The following ZFYVE26 variants were observed in gnomAD, a reference collection of about 807,000 sequenced individuals.
ZFYVE26 encodes zinc finger FYVE domain-containing protein 26.
A neutral mutation model predicts 276.5 loss-of-function variants in ZFYVE26; 181 were observed. The ratio of observed to expected loss-of-function variants is 0.65; its 90% confidence interval spans 0.58 to 0.74. The LOEUF (loss-of-function observed/expected upper bound fraction) is 0.74, where lower values mean the gene tolerates loss of function less well. Ranked by LOEUF, ZFYVE26 falls within the 30% of genes least tolerant of loss-of-function variation. The pLI, the probability that ZFYVE26 is intolerant of heterozygous loss-of-function variation, is 0.00. For missense variants in ZFYVE26, 2,821 were observed against 3,097.9 expected, an observed-to-expected ratio of 0.91 and a Z score of 2.12; for synonymous variants, 1,129 against 1,203.1, an observed-to-expected ratio of 0.94 and a Z score of 1.27.
chr14:67,806,092 C>G (rs1459429400), intron 6 of ZFYVE26, among the ~76,000 whole-genome samples: 3 of 152,210 alleles, frequency 2.0e-5, no homozygotes, highest in Non-Finnish European at 4.4e-5. Context: ...AGACTGTGAG[C>G]TCCCTGAAGG....
At chr14:67,752,293 T>G in intron 40 of ZFYVE26, 51 bp downstream of exon 40, 1 of 1,565,422 alleles carries the variant, frequency 6.4e-7, no homozygotes, top group Non-Finnish European at 8.7e-7. Flanking sequence ...GATGGGGATG[T>G]GAAGACACTG....
At chr14:67,793,782 G>A (rs777765738) in intron 13 of ZFYVE26, 23 bp from the exon 14 acceptor site, 15 of 1,613,434 alleles carry the variant, frequency 9.3e-6, no homozygotes, top group African/African-American at 2.7e-5. Context: ...AAGAATGTGT[G>A]GGGCCAGAGA....
chr14:67,784,064 CAT>C (rs2039583996), intron 20 of ZFYVE26, among the ~76,000 whole-genome samples: 1 of 152,202 alleles, frequency 6.6e-6, no homozygotes, highest in Admixed American at 6.5e-5. Context: ...AATCAACTAT[CAT>C]GTTATTGAAT....
intron 3 of ZFYVE26, 84 bp from the exon 4 acceptor site, chr14:67,809,373 G>T: frequency 1.1e-5 from 9 of 829,402 alleles, no homozygotes; most frequent in African/African-American, 1.8e-5. Context: ...TGTCCAGTTA[G>T]TCTTATTTCT....
At position 67,785,922 on chromosome 14, in the gene ZFYVE26, G is replaced by A; in HGVS notation, c.3240C>T (p.His1080=). Residue 1080 remains histidine, a synonymous_variant, in exon 18 of 42, where the codon CAC becomes CAT. Coordinates refer to ENST00000347230, the MANE Select transcript of ZFYVE26 (RefSeq NM_015346.4). ...GATCTAGCTGCTGGGAGAGGGTGGT[G>A]TGGCTGGCAACACAGTCCTCGCTTA... The part of the protein sequence containing the change: ...PSLSEDCVAS[H]TTLSQQLDQV... The A allele has an allele frequency of 6.2e-7, 1 of 1,614,172 alleles. No homozygotes were observed. Among genetic ancestry groups the A allele is most frequent in the South Asian group, 1.1e-5 (1 of 91,076 alleles).
At chr14:67,801,519 A>G (rs1849055224) in intron 10 of ZFYVE26, among the ~76,000 whole-genome samples, 1 of 152,152 alleles carries the variant, frequency 6.6e-6, no homozygotes, top group Non-Finnish European at 1.5e-5. Flanking sequence ...AAGCTAGGAG[A>G]GAGGGAAAAC....
Position 67,750,983 on chromosome 14 carries a change from A to G in ZFYVE26, c.7416+69T>C, listed in dbSNP as rs761332622. ...GGAACTATTGTGGGGAGCAAGGGAT[A>G]AAGGTGACTAGGCAAGCCTGAGACA... On this transcript the variant is annotated intron_variant, in intron 41 of 41. Coordinates refer to ENST00000347230, the MANE Select transcript of ZFYVE26 (RefSeq NM_015346.4). 1.9e-6 allele frequency: 3 copies of G among 1,586,382 alleles called. No homozygotes were observed. The Admixed American group carries it at 5.0e-5, about 26-fold the overall frequency.
In ZFYVE26 at chr14:67,760,946, A is replaced by G. The variant is rs971807012; in HGVS notation, c.6588+420T>C. 9.2e-6 allele frequency: 4 copies of G among 435,916 alleles called. 1 individual carries two copies. The Admixed American group carries it at 1.5e-4, about 16-fold the overall frequency. The allele number at this position is 435,916 out of a possible 1,614,324, so 27.0% of individuals were successfully genotyped here. On this transcript the variant is annotated intron_variant, in intron 35 of 41. Transcript: ENST00000347230. ...ATGGTTACTTCCTGGCCCTTGTAGTAACAACTCTGAATGGACCAGCAGCTG... is the reference window on the plus strand; with the variant it reads ...ATGGTTACTTCCTGGCCCTTGTAGTGACAACTCTGAATGGACCAGCAGCTG...
Position 67,752,460 on chromosome 14 carries a change from A to C in ZFYVE26, c.7255T>G (p.Tyr2419Asp). ...AARQLVEKEK[Y>D]SEIQQLLKCV... ...TTGAGCAGTTGCTGGATCTCACTGTACTTCTCTTTCTCCACCAACTGGCGG... is the reference window on the plus strand; with the variant it reads ...TTGAGCAGTTGCTGGATCTCACTGTCCTTCTCTTTCTCCACCAACTGGCGG... The change falls in exon 40 of 42, where the codon TAC (tyrosine) becomes GAC (aspartate). Residue 2419 changes from tyrosine (Y) to aspartate (D), a missense_variant. Physicochemically the swap from Tyr to Asp is radical, Grantham distance 160. Coordinates refer to ENST00000347230, the MANE Select transcript of ZFYVE26 (RefSeq NM_015346.4). 6.2e-7 allele frequency: 1 copy of C among 1,614,096 alleles called. No homozygotes were observed. Among genetic ancestry groups the C allele is most frequent in the Admixed American group, 1.7e-5 (1 of 60,020 alleles).
intron 13 of ZFYVE26, 71 bp downstream of exon 13, chr14:67,794,100 A>G (rs1475320897): frequency 6.6e-7 from 1 of 1,513,398 alleles, no homozygotes; most frequent in Non-Finnish European, 9.2e-7. Context: ...CTGGCTTTAC[A>G]CCATGGTGTA....
intron 14 of ZFYVE26, among the ~76,000 whole-genome samples, chr14:67,792,931 A>AAAG (rs2039857742): frequency 6.7e-6 from 1 of 149,806 alleles, no homozygotes; most frequent in Non-Finnish European, 1.5e-5. Context: ...AAAAAAAAAA[A>AAAG]AAAGAAAAGG....
Position 67,761,703 on chromosome 14 carries a change from T to C in ZFYVE26, c.6370-119A>G, listed in dbSNP as rs1367776944. The C allele has an allele frequency of 7.1e-6, 6 of 843,412 alleles. No homozygotes were observed. In the East Asian group the frequency reaches 1.3e-4, roughly 19 times the overall value. 52.2% of individuals were successfully genotyped at this position (843,412 alleles called of 1,614,324 possible). On this transcript the variant is annotated intron_variant, in intron 34 of 41. Transcript: ENST00000347230. ...CACACCAACATGGCACATGTATACA[T>C]ATGTAACAAACCTGCACGTTGTGCA...
intron 3 of ZFYVE26, among the ~76,000 whole-genome samples, chr14:67,809,782 CTT>C (rs58842467): frequency 1.5e-3 from 179 of 120,110 alleles, no homozygotes; most frequent in African/African-American, 5.3e-3. Context: ...ATTCTTTTCT[CTT>C]TTTTTTTTTT....
intron 33 of ZFYVE26, 42 bp downstream of exon 33, chr14:67,762,630 A>T: frequency 6.8e-6 from 11 of 1,610,358 alleles, no homozygotes; most frequent in Non-Finnish European, 9.3e-6. Flanking sequence ...GCAACTTGCT[A>T]CAGTGGGGTG....
Position 67,762,349 on chromosome 14 carries a change from T to C in ZFYVE26, c.6223A>G (p.Lys2075Glu), listed in dbSNP as rs1410212747. ...CGTGCAGCAGTGAGGTTCCCGGCTT[T>C]GAGGCAGGCCATGCCCCAAGCATGC... ...AWHAWGMACL[K>E]AGNLTAAREK... Residue 2075 changes from lysine (K) to glutamate (E), a missense_variant, in exon 34 of 42, where the codon AAA becomes GAA. Transcript: ENST00000347230. The C allele has an allele frequency of 6.2e-7, 1 of 1,614,072 alleles. No homozygotes were observed. The highest frequency in any genetic ancestry group is 1.3e-5 in the African/African-American group (1 of 74,930).
Position 67,799,148 on chromosome 14 carries a change from A to G in ZFYVE26, c.1640-526T>C, listed in dbSNP as rs1369744045. 2.3e-5 allele frequency: 36 copies of G among 1,533,244 alleles called. No homozygotes were observed. In the Middle Eastern group the frequency reaches 7.3e-4, roughly 31 times the overall value. 95.0% of individuals were successfully genotyped at this position (1,533,244 alleles called of 1,614,324 possible). ...GTACTGGCGGCTACTCTTTAAAAAG[A>G]TATCTTTAGAGGACATTCAAGCTTT... On this transcript the variant is annotated intron_variant, in intron 10 of 41. Coordinates refer to ENST00000347230, the MANE Select transcript of ZFYVE26 (RefSeq NM_015346.4).
At position 67,807,893 on chromosome 14, in the gene ZFYVE26, C is replaced by A. The variant is rs754467803; in HGVS notation, c.391G>T (p.Ala131Ser). 1 of 1,614,122 alleles carries A rather than the reference C, an allele frequency of 6.2e-7. No homozygotes were observed. Among genetic ancestry groups the A allele is most frequent in the Non-Finnish European group, 8.5e-7 (1 of 1,179,978 alleles). The change falls in exon 5 of 42, where the codon GCA becomes TCA. Residue 131 changes from alanine to serine, a missense_variant. Ala to Ser is a moderately conservative substitution (Grantham distance 99). Coordinates refer to ENST00000347230, the MANE Select transcript of ZFYVE26 (RefSeq NM_015346.4). Reference protein sequence around the residue: ...EELYETLTQGAVGHVPDGNPR... With the variant: ...EELYETLTQGSVGHVPDGNPR... ...TTTCCGTCAGGCACGTGGCCTACTG[C>A]ACCCTGTGTTAAGGTCTCATACAGC...
rs77145561 is a variant in ZFYVE26, at chr14:67,756,250, C to T, written c.6589-105G>A. ...TATTGATGAACCTTCAGCATCCTCC[C>T]AATGCAGTGCTTCTTAATCTTTTAT... On this transcript the variant is annotated intron_variant, in intron 35 of 41. Transcript: ENST00000347230. 4.1e-3 allele frequency: 4,530 copies of T among 1,117,682 alleles called. 11 individuals are homozygous for T. The highest frequency in any genetic ancestry group is 5.4e-3 in the Non-Finnish European group (3,990 of 734,072). The allele number at this position is 1,117,682 out of a possible 1,614,324, so 69.2% of individuals were successfully genotyped here. A position where few individuals can be genotyped will look rare whatever the true frequency, so the allele number is the denominator to read the frequency against.
intron 13 of ZFYVE26, among the ~76,000 whole-genome samples, chr14:67,737,088 C>CTTTTTTTTTTT (rs71129855): frequency 3.2e-4 from 34 of 104,786 alleles, no homozygotes; most frequent in South Asian, 6.5e-4. Flanking sequence ...TTTTTCTTTT[C>CTTTTTTTTTTT]TTTTTTTTTT....
Sources: allele counts gnomAD v4.1 joint callset (sites outside exome capture counted in the v4.1 genomes callset), GRCh38; gene constraint gnomAD v4.1.1; transcripts MANE v1.5; gene names NCBI Gene and HGNC (gene_info 2026-07-23, HGNC 2026-07-21).